The following PTPRN2 variants were observed in gnomAD, a reference collection of about 807,000 sequenced individuals.
The protein encoded by PTPRN2 is protein tyrosine phosphatase receptor type N2.
A neutral mutation model predicts 118.8 loss-of-function variants in PTPRN2; 74 were observed. The observed-to-expected ratio is 0.62, with a 90% CI of 0.52 to 0.76. The LOEUF is 0.76. Ranked by LOEUF, PTPRN2 falls within the 30% of genes least tolerant of loss-of-function variation. The pLI, the probability that PTPRN2 is intolerant of heterozygous loss-of-function variation, is 0.00. For missense variants in PTPRN2, 1,481 were observed against 1,394.4 expected, an observed-to-expected ratio of 1.06 and a Z score of -0.99; for synonymous variants, 641 against 608.0, an observed-to-expected ratio of 1.05 and a Z score of -0.80.
At chr7:158,556,830 C>G (rs1446900899) in intron 1 of PTPRN2, among the ~76,000 whole-genome samples, 1 of 142,128 alleles carries the variant, frequency 7.0e-6, no homozygotes, top group African/African-American at 2.6e-5. Context: ...CCACGCAGGT[C>G]AGGCAGCTCC....
At chr7:157,853,949 G>A (rs1356461522) in intron 12 of PTPRN2, among the ~76,000 whole-genome samples, 3 of 152,288 alleles carry the variant, frequency 2.0e-5, no homozygotes, top group East Asian at 3.9e-4. Context: ...AGGGAACACC[G>A]CGTGAAGACG....
At chr7:157,811,816 T>C (rs1806061894) in intron 12 of PTPRN2, among the ~76,000 whole-genome samples, 1 of 151,976 alleles carries the variant, frequency 6.6e-6, no homozygotes, top group Admixed American at 6.6e-5. Context: ...TTGCATAGGG[T>C]GCTTCTCTGG....
intron 2 of PTPRN2, among the ~76,000 whole-genome samples, chr7:158,359,198 G>A (rs1376479424): frequency 1.3e-5 from 2 of 152,176 alleles, no homozygotes; most frequent in Non-Finnish European, 2.9e-5. Context: ...GTGGGAAGAC[G>A]CTATCAATAC....
At chr7:157,857,111 G>T (rs1174645967) in intron 12 of PTPRN2, among the ~76,000 whole-genome samples, 3 of 151,046 alleles carry the variant, frequency 2.0e-5, no homozygotes, top group African/African-American at 7.3e-5. Context: ...GGCATTGCTG[G>T]TGGAGCTGGG....
chr7:158,294,910 A>G (rs1034526134), intron 3 of PTPRN2, among the ~76,000 whole-genome samples: 1 of 131,046 alleles, frequency 7.6e-6, no homozygotes, highest in African/African-American at 3.0e-5. Flanking sequence ...CTGCCCAGAC[A>G]CTGCGCCACT....
chr7:158,478,924 C>T (rs1174025486), intron 2 of PTPRN2, among the ~76,000 whole-genome samples: 1 of 152,026 alleles, frequency 6.6e-6, no homozygotes, highest in Non-Finnish European at 1.5e-5. Flanking sequence ...GAAAGTGGCC[C>T]CACAGGACAT....
rs563358418 is a variant in PTPRN2 at position 157,744,990 on chromosome 7, TC to T, written c.1789-62054del. Among the ~76,000 whole-genome samples, 661 of 152,204 alleles carry T rather than the reference TC, an allele frequency of 4.3e-3. 4 individuals carry two copies. Among genetic ancestry groups the T allele is most frequent in the Non-Finnish European group, 7.3e-3 (499 of 68,006 alleles). ...CACTTCTGCCTCCATGAAATGTGGGTCCCCTTCCAGGCGGCACCTTCCTTAC... is the reference window on the plus strand; with the variant it reads ...CACTTCTGCCTCCATGAAATGTGGGTCCCTTCCAGGCGGCACCTTCCTTAC... On this transcript the variant is annotated intron_variant, in intron 12 of 22. Coordinates refer to ENST00000389418, the MANE Select transcript of PTPRN2 (RefSeq NM_002847.5).
At chr7:157,866,797 C>G in intron 12 of PTPRN2, among the ~76,000 whole-genome samples, 1 of 144,826 alleles carries the variant, frequency 6.9e-6, no homozygotes, top group Middle Eastern at 3.6e-3. Flanking sequence ...GCCACTACCC[C>G]GCCCCCGACG....
chr7:158,138,936 GCCCTGCCCAGGACA>G (rs1563494095), intron 6 of PTPRN2, among the ~76,000 whole-genome samples: 2 of 151,900 alleles, frequency 1.3e-5, no homozygotes, highest in East Asian at 1.9e-4. Flanking sequence ...CAAGGACAGC[GCCCTGCCCAGGACA>G]CCCTGCCCAG....
chr7:157,763,542 G>A lies in PTPRN2; in HGVS notation c.1789-80605C>T, dbSNP rs577052135. Among the ~76,000 whole-genome samples, 2 of 152,208 alleles carry A rather than the reference G, an allele frequency of 1.3e-5. No homozygotes were observed. Among genetic ancestry groups the A allele is most frequent in the Non-Finnish European group, 2.9e-5 (2 of 68,010 alleles). On this transcript the variant is annotated intron_variant, in intron 12 of 22. Coordinates refer to ENST00000389418, the MANE Select transcript of PTPRN2 (RefSeq NM_002847.5). The surrounding 1 kb of genome is among the most constrained non-coding windows in gnomAD (Gnocchi z 4.9). Reference sequence around the variant, plus strand: ...GGTCCCCAGGGGAGCTGCACACTGAGCCTCCACCTCCTTTTCAGAGTTGGG... The same window carrying A: ...GGTCCCCAGGGGAGCTGCACACTGAACCTCCACCTCCTTTTCAGAGTTGGG...
chr7:157,565,792 A>G (rs1799455726), intron 21 of PTPRN2, among the ~76,000 whole-genome samples: 1 of 152,250 alleles, frequency 6.6e-6, no homozygotes, highest in Admixed American at 6.5e-5. Flanking sequence ...GCTACATGTG[A>G]GCCAAGCCCT....
In PTPRN2 at chr7:157,974,534, A is replaced by G. The variant is rs1802589514; in HGVS notation, c.1724-75797T>C. Reference sequence around the variant, plus strand: ...GTCGGTCCTGCCATGGGACGATGTGACTGGGGGCTCGTCCATGCCTTGTCG... The same window carrying G: ...GTCGGTCCTGCCATGGGACGATGTGGCTGGGGGCTCGTCCATGCCTTGTCG... On this transcript the variant is annotated intron_variant, in intron 11 of 22. Transcript: ENST00000389418. The surrounding 1 kb of genome is among the most constrained non-coding windows in gnomAD (Gnocchi z 4.0). Among the ~76,000 whole-genome samples the G allele has an allele frequency of 6.6e-6, 1 of 152,064 alleles. No homozygotes were observed. The highest frequency in any genetic ancestry group is 1.5e-5 in the Non-Finnish European group (1 of 68,020).
At position 158,320,045 on chromosome 7, in the gene PTPRN2, ACACT is replaced by A. The variant is rs1268408502; in HGVS notation, c.164-3117_164-3114del. ...TACACACACACAGCCTCCCTCACAC[ACACT>A]CACAGTCTCCCTCACACACACACAC... On this transcript the variant is annotated intron_variant, in intron 2 of 22. Transcript: ENST00000389418. 1.4e-4 allele frequency among the ~76,000 whole-genome samples: 10 copies of A among 73,322 alleles called. 1 individual carries two copies. In the South Asian group the frequency reaches 1.7e-3, roughly 13 times the overall value. 48.1% of individuals were successfully genotyped at this position (73,322 alleles called of 152,430 possible). A position where few individuals can be genotyped will look rare whatever the true frequency, so the allele number is the denominator to read the frequency against.
intron 1 of PTPRN2, among the ~76,000 whole-genome samples, chr7:158,576,445 G>A (rs924156585): frequency 2.0e-5 from 3 of 152,210 alleles, no homozygotes; most frequent in East Asian, 3.8e-4. Flanking sequence ...GGGCCCTCTC[G>A]GGACAAGCCC....
At chr7:158,428,282 C>T (rs1203930028) in intron 2 of PTPRN2, among the ~76,000 whole-genome samples, 1 of 152,080 alleles carries the variant, frequency 6.6e-6, no homozygotes, top group East Asian at 1.9e-4. Context: ...ACAGCGGCGT[C>T]GGACGTGACT....
At chr7:157,720,208 G>A (rs571244474) in intron 12 of PTPRN2, among the ~76,000 whole-genome samples, 114 of 152,272 alleles carry the variant, frequency 7.5e-4, no homozygotes, top group African/African-American at 2.7e-3. Flanking sequence ...AGCGAGAGAC[G>A]CTGTTGACCC....
At chr7:157,602,366 G>A (rs1189614816) in intron 16 of PTPRN2, among the ~76,000 whole-genome samples, 1 of 152,228 alleles carries the variant, frequency 6.6e-6, no homozygotes, top group East Asian at 1.9e-4. Context: ...CAGCAGAGCC[G>A]AGAGCTGAGC....
In PTPRN2 at chr7:158,003,854, T is replaced by C. The variant is rs1805462352; in HGVS notation, c.1723+77444A>G. Among the ~76,000 whole-genome samples the C allele has an allele frequency of 6.6e-6, 1 of 152,196 alleles. No individual in the cohort carries two copies. The highest frequency in any genetic ancestry group is 2.4e-5 in the African/African-American group (1 of 41,446). ...TAAAGAATAGCTTGTCTAATGACTC[T>C]GAGAGCATCTATTAATTTCATCACT... On this transcript the variant is annotated intron_variant, in intron 11 of 22. Transcript: ENST00000389418. This position sits in a 1 kb window ranked among gnomAD's most constrained non-coding sequence, Gnocchi z 5.0.
rs79134127 is a variant in PTPRN2, at chr7:158,174,493, G to T, written c.550-7202C>A. The stretch of plus-strand genomic sequence containing the variant: ...CAGCTTCCCACCATCATCATCATCA[G>T]CAGCAGCAGCACCATCATCATCCAC... On this transcript the variant is annotated intron_variant, in intron 5 of 22. Transcript: ENST00000389418. Among the ~76,000 whole-genome samples, 467 of 151,568 alleles carry T rather than the reference G, an allele frequency of 3.1e-3. 1 individual carries two copies. Among genetic ancestry groups the T allele is most frequent in the African/African-American group, 9.0e-3 (371 of 41,214 alleles).
Sources: allele counts gnomAD v4.1 joint callset (sites outside exome capture counted in the v4.1 genomes callset), GRCh38; gene constraint gnomAD v4.1.1; non-coding constraint Gnocchi (gnomAD v3.1); transcripts MANE v1.5; gene names NCBI Gene and HGNC (gene_info 2026-07-23, HGNC 2026-07-21).